LSS: variants seen among roughly 807,000 people sequenced by gnomAD.
The protein encoded by LSS is 2,3-epoxysqualene-lanosterol cyclase.
Under a neutral mutation model 110.3 loss-of-function variants are expected in LSS, and 90 were observed. The ratio of observed to expected loss-of-function variants is 0.82; its 90% CI spans 0.69 to 0.97. The LOEUF (loss-of-function observed/expected upper bound fraction) is 0.97, where lower values mean the gene tolerates loss of function less well. LSS is among the 50% of genes least tolerant of loss of function. The pLI, the probability that LSS is intolerant of heterozygous loss-of-function variation, is 0.00. For missense variants in LSS, 927 were observed against 990.0 expected, an observed-to-expected ratio of 0.94 and a Z score of 0.85; for synonymous variants, 433 against 400.0, an observed-to-expected ratio of 1.08 and a Z score of -0.98.
chr21:46,225,776 C>T (rs1242468062), intron 3 of LSS, among the ~76,000 whole-genome samples: 1 of 152,200 alleles, frequency 6.6e-6, no homozygotes, highest in Non-Finnish European at 1.5e-5. Flanking sequence ...CCAGTGGACA[C>T]GTGACCCATG....
At position 46,222,659 on chromosome 21, in the gene LSS, T is replaced by C. The variant is rs1461193049; in HGVS notation, c.399A>G (p.Ser133=). Residue 133 remains serine (S), a synonymous_variant, in exon 4 of 22, where the codon TCA becomes TCG. Transcript: ENST00000397728. Reference sequence around the variant, plus strand: ...CCCAGCCACCGTCAGGGAGCTGCACTGACCGCAGGTACCGCACAATCTCTT... The same window carrying C: ...CCCAGCCACCGTCAGGGAGCTGCACCGACCGCAGGTACCGCACAATCTCTT... ...YREEIVRYLR[S]VQLPDGGWGL... 14 of 1,613,694 alleles carry C rather than the reference T, an allele frequency of 8.7e-6. No individual in the cohort carries two copies. Among genetic ancestry groups the C allele is most frequent in the Non-Finnish European group, 1.1e-5 (13 of 1,180,016 alleles).
intron 5 of LSS, 125 bp from the exon 6 acceptor site, chr21:46,219,697 T>C (rs2080250753): frequency 1.8e-6 from 1 of 542,030 alleles, no homozygotes; most frequent in Non-Finnish European, 3.2e-6. Flanking sequence ...AAGGGCAGCC[T>C]CATGTGGATC....
chr21:46,207,252 C>T (rs778834336), intron 15 of LSS, among the ~76,000 whole-genome samples, 176 bp downstream of exon 15: 6 of 152,246 alleles, frequency 3.9e-5, no homozygotes, highest in African/African-American at 2.4e-5. Context: ...CCCAGCAAGG[C>T]CCCTAGGGGT....
Position 46,205,845 on chromosome 21 carries a change from G to A in LSS, c.1661C>T (p.Ala554Val), listed in dbSNP as rs763701401. The A allele has an allele frequency of 2.2e-5, 35 of 1,604,170 alleles. No homozygotes were observed. The highest frequency in any genetic ancestry group is 2.9e-5 in the Non-Finnish European group (34 of 1,175,532). The stretch of plus-strand genomic sequence containing the variant: ...CTGAGACCCTCCTTACCGGATCTCC[G>A]CTGCCCTGTGCTCCGGGAAACGCTT... ...FHKRFPEHRAAEIRETLTQGL... is the reference protein window; with the variant it reads ...FHKRFPEHRAVEIRETLTQGL... The change falls in exon 17 of 22, where the codon GCG (alanine) becomes GTG (valine). Residue 554 changes from alanine (A) to valine (V), a missense_variant. By Grantham distance (64) the Ala-to-Val change is moderately conservative. Coordinates refer to ENST00000397728, the MANE Select transcript of LSS (RefSeq NM_002340.6).
chr21:46,225,500 C>T, intron 3 of LSS: 1 of 424,284 alleles, frequency 2.4e-6, no homozygotes, highest in Admixed American at 2.7e-5. Context: ...TCCTCCACCT[C>T]TTGTGGACGG....
rs978913560 is a variant in LSS at position 46,213,014 on chromosome 21, G to A, written c.1137+11C>T. Reference sequence around the variant, plus strand: ...AAAGGAAGCATGCAGCCGCAGTCCCGCAGCCCTTACCTGCATTTTCATGCC... The same window carrying A: ...AAAGGAAGCATGCAGCCGCAGTCCCACAGCCCTTACCTGCATTTTCATGCC... On this transcript the variant is annotated intron_variant, in intron 11 of 21. Coordinates refer to ENST00000397728, the MANE Select transcript of LSS (RefSeq NM_002340.6). The A allele has an allele frequency of 1.9e-6, 3 of 1,613,962 alleles. No individual in the cohort carries two copies. The highest frequency in any genetic ancestry group is 1.1e-5 in the South Asian group (1 of 91,056).
At chr21:46,197,174 G>A (rs1488731247) in intron 17 of LSS, among the ~76,000 whole-genome samples, 3 of 152,240 alleles carry the variant, frequency 2.0e-5, no homozygotes, top group African/African-American at 7.2e-5. Context: ...AATACAAATA[G>A]TCAAAGTACA....
In LSS at chr21:46,194,681, G is replaced by GAGA. The variant is rs1274286402; in HGVS notation, c.1818-23_1818-21dup. On this transcript the variant is annotated intron_variant, in intron 19 of 21. Coordinates refer to ENST00000397728, the MANE Select transcript of LSS (RefSeq NM_002340.6). The stretch of plus-strand genomic sequence containing the variant: ...GCAGTCCTGCAAAGACCAGAGACAG[G>GAGA]AGACACCATCACACCAAGGAAGGTC... 4 of 1,606,370 alleles carry GAGA rather than the reference G, an allele frequency of 2.5e-6. No homozygotes were observed. Among genetic ancestry groups the GAGA allele is most frequent in the Non-Finnish European group, 3.4e-6 (4 of 1,178,372 alleles).
intron 6 of LSS, among the ~76,000 whole-genome samples, chr21:46,218,864 C>G (rs2080239566): frequency 6.6e-6 from 1 of 151,568 alleles, no homozygotes; most frequent in African/African-American, 2.4e-5. Context: ...TAGCTGGAAA[C>G]TAGAGGCACG....
chr21:46,221,504 A>G (rs575162949), intron 5 of LSS, among the ~76,000 whole-genome samples: 1 of 152,224 alleles, frequency 6.6e-6, no homozygotes, highest in Admixed American at 6.5e-5. Flanking sequence ...CTACAGGTGC[A>G]TATCATCACA....
At position 46,189,705 on chromosome 21, in the gene LSS, G is replaced by C. The variant is rs542471287; in HGVS notation, c.*1399C>G. On this transcript the variant is annotated 3_prime_UTR_variant, in exon 22 of 22. Coordinates refer to ENST00000397728, the MANE Select transcript of LSS (RefSeq NM_002340.6). ...TGCCTGAGGGAGAGTGATCAGCCAG[G>C]GGGAGAGGCCAGGGACTGCTACCTG... is the stretch of plus-strand genomic sequence containing the variant. The C allele has an allele frequency of 4.4e-6, 2 of 456,804 alleles. No homozygotes were observed. The highest frequency in any genetic ancestry group is 6.9e-5 in the East Asian group (1 of 14,394). 28.3% of individuals were successfully genotyped at this position (456,804 alleles called of 1,614,324 possible).
At chr21:46,195,164 TA>T (rs2079892660) in intron 19 of LSS, among the ~76,000 whole-genome samples, 1 of 152,186 alleles carries the variant, frequency 6.6e-6, no homozygotes. Flanking sequence ...GAGGCATCTG[TA>T]TGCCTGGAGG....
intron 20 of LSS, chr21:46,192,625 G>C (rs556476711): frequency 5.3e-6 from 2 of 376,326 alleles, no homozygotes; most frequent in African/African-American, 4.4e-5. Flanking sequence ...GATACTGCGG[G>C]TGCATCTGCA....
At position 46,219,516 on chromosome 21, in the gene LSS, A is replaced by G. The variant is rs750438989; in HGVS notation, c.607T>C (p.Tyr203His). The G allele has an allele frequency of 6.2e-7, 1 of 1,603,652 alleles. No individual in the cohort carries two copies. Among genetic ancestry groups the G allele is most frequent in the East Asian group, 2.3e-5 (1 of 43,840 alleles). ...GKFWLAVLNV[Y>H]SWEGLNTLFP... ...AGGGTATTGAGGCCTTCCCAGCTGT[A>G]AACATTCAGGACAGCCAGCCAGAAC... Residue 203 changes from tyrosine to histidine, a missense_variant, in exon 6 of 22, where the codon TAC (tyrosine) becomes CAC (histidine). Tyr to His is a moderately conservative substitution (Grantham distance 83). Transcript: ENST00000397728.
At chr21:46,203,504 G>A (rs1434407263) in intron 17 of LSS, among the ~76,000 whole-genome samples, 5 of 152,332 alleles carry the variant, frequency 3.3e-5, no homozygotes, top group Non-Finnish European at 5.9e-5. Context: ...TCTTCTTTGC[G>A]CTTCTCTGTA....
intron 12 of LSS, among the ~76,000 whole-genome samples, chr21:46,210,034 G>A (rs1001861234): frequency 2.0e-5 from 3 of 150,294 alleles, no homozygotes; most frequent in Non-Finnish European, 3.0e-5. Flanking sequence ...GTACTGGCTC[G>A]AGAATGCCCA....
intron 16 of LSS, 56 bp downstream of exon 16, chr21:46,206,616 A>G: frequency 6.9e-7 from 1 of 1,453,206 alleles, no homozygotes; most frequent in Middle Eastern, 1.8e-4. Context: ...AGGTTTGTGT[A>G]CCACAGTGCT....
chr21:46,196,976 A>G (rs992244723), intron 17 of LSS, among the ~76,000 whole-genome samples: 7 of 152,234 alleles, frequency 4.6e-5, no homozygotes, highest in Admixed American at 2.6e-4. Flanking sequence ...ATCCTTCCTC[A>G]CTGGAAGCTC....
rs1284475245 is a variant in LSS at position 46,196,251 on chromosome 21, C to T, written c.1687G>A (p.Gly563Ser). Reference sequence around the variant, plus strand: ...TGCTGCCGCCGACAGAACTCTAAGCCCTGCGTGAGGGTCTCCCTGGAACAC... The same window carrying T: ...TGCTGCCGCCGACAGAACTCTAAGCTCTGCGTGAGGGTCTCCCTGGAACAC... Reference protein sequence around the residue: ...AAEIRETLTQGLEFCRRQQRA... With the variant: ...AAEIRETLTQSLEFCRRQQRA... Residue 563 changes from glycine to serine, a missense_variant, in exon 18 of 22, where the codon GGC (glycine) becomes AGC (serine). Transcript: ENST00000397728. The T allele has an allele frequency of 6.2e-7, 1 of 1,614,040 alleles. No individual in the cohort carries two copies. Among genetic ancestry groups the T allele is most frequent in the African/African-American group, 1.3e-5 (1 of 74,938 alleles).
Sources: gnomAD v4.1 joint callset for allele counts (sites outside exome capture counted in the v4.1 genomes callset) on GRCh38, gnomAD v4.1.1 for gene constraint, MANE v1.5 for transcripts, NCBI Gene and HGNC (gene_info 2026-07-23, HGNC 2026-07-21) for gene names.